Variants in TEC observed in about 807,000 individuals in gnomAD.
TEC encodes the protein tyrosine-protein kinase Tec.
A neutral mutation model predicts 93.0 loss-of-function variants in TEC; 72 were observed. That is an observed-to-expected ratio of 0.77 (90% CI 0.64 to 0.94). The LOEUF (loss-of-function observed/expected upper bound fraction) is 0.94, where lower values mean the gene tolerates loss of function less well. Ranked by LOEUF, TEC falls within the 40% of genes least tolerant of loss-of-function variation. The pLI is 0.00. For missense variants in TEC, 630 were observed against 757.9 expected, an observed-to-expected ratio of 0.83 and a Z score of 1.98; for synonymous variants, 249 against 247.7, an observed-to-expected ratio of 1.01 and a Z score of -0.05.
chr4:48,268,194 C>T (rs546514911), intron 1 of TEC, among the ~76,000 whole-genome samples: 2 of 152,214 alleles, frequency 1.3e-5, no homozygotes, highest in Non-Finnish European at 2.9e-5. Flanking sequence ...GTTGAAAATG[C>T]TAGAGCATAC....
intron 3 of TEC, 148 bp from the exon 4 acceptor site, chr4:48,171,597 T>C (rs1205793006): frequency 1.8e-6 from 1 of 540,912 alleles, no homozygotes; most frequent in Non-Finnish European, 3.2e-6. Flanking sequence ...CCCAGGTTAC[T>C]TTCTTACAAA....
At chr4:48,215,870 C>T (rs549924426) in intron 2 of TEC, among the ~76,000 whole-genome samples, 3 of 152,236 alleles carry the variant, frequency 2.0e-5, no homozygotes, top group South Asian at 4.1e-4. Flanking sequence ...CAGAAATATT[C>T]GATATGAGCT....
At chr4:48,214,718 G>C (rs950510907) in intron 2 of TEC, among the ~76,000 whole-genome samples, 1 of 130,642 alleles carries the variant, frequency 7.7e-6, no homozygotes, top group African/African-American at 2.7e-5. Context: ...GCCAGGCGTG[G>C]TGGTATGTGC....
At chr4:48,149,127 A>G (rs1056654320) in intron 11 of TEC, among the ~76,000 whole-genome samples, 5 of 152,198 alleles carry the variant, frequency 3.3e-5, no homozygotes, top group African/African-American at 1.2e-4. Context: ...TAGTGCTGCA[A>G]TGAACACCCA....
chr4:48,248,839 T>G (rs1200265192), intron 1 of TEC, among the ~76,000 whole-genome samples: 4 of 151,042 alleles, frequency 2.6e-5, no homozygotes, highest in Non-Finnish European at 4.4e-5. Flanking sequence ...CTTTACATTG[T>G]TGTTTCTCTC....
rs182366408 is a variant in TEC, at chr4:48,138,738, C to A, written c.1739G>T (p.Arg580Leu). 6.2e-7 allele frequency: 1 copy of A among 1,614,134 alleles called. No individual in the cohort carries two copies. Among genetic ancestry groups the A allele is most frequent in the Admixed American group, 1.7e-5 (1 of 60,014 alleles). ...CTTCGGCTGGTAGAGTCGGTGGCCT[C>A]GAGTAACCATGGTTACCACTTCATA... ...TNYEVVTMVT[R>L]GHRLYQPKLA... Residue 580 changes from arginine (R) to leucine (L), a missense_variant, in exon 17 of 18, where the codon CGA (arginine) becomes CTA (leucine). Arg to Leu is a moderately radical substitution (Grantham distance 102, BLOSUM62 -2). Transcript: ENST00000381501.
chr4:48,219,574 T>G lies in TEC; in HGVS notation c.138+8903A>C, dbSNP rs143579336. ...GTCTTAAAGTCTTTGATCTTTCTTA[T>G]AAGTGCAGAGAAGAAAATGCTGACG... On this transcript the variant is annotated intron_variant, in intron 2 of 17. Coordinates refer to ENST00000381501, the MANE Select transcript of TEC (RefSeq NM_003215.3). Among the ~76,000 whole-genome samples, 17 of 152,328 alleles carry G rather than the reference T, an allele frequency of 1.1e-4. No homozygotes were observed. The East Asian group carries it at 2.9e-3, about 26-fold the overall frequency.
At chr4:48,180,667 T>A (rs1402558551) in intron 2 of TEC, among the ~76,000 whole-genome samples, 6 of 152,150 alleles carry the variant, frequency 3.9e-5, no homozygotes, top group Non-Finnish European at 8.8e-5. Context: ...AGAAATTCAC[T>A]GTGGTTGAAG....
chr4:48,218,618 C>T (rs1238355995), intron 2 of TEC, among the ~76,000 whole-genome samples: 1 of 152,180 alleles, frequency 6.6e-6, no homozygotes, highest in Non-Finnish European at 1.5e-5. Context: ...ACCCAATAAA[C>T]CTACAGTTTC....
chr4:48,185,127 G>A (rs748964728), intron 2 of TEC, among the ~76,000 whole-genome samples: 3 of 152,172 alleles, frequency 2.0e-5, no homozygotes, highest in Admixed American at 6.5e-5. Flanking sequence ...AGAGACAAAT[G>A]ATCATATTTA....
chr4:48,255,411 C>T (rs568583578), intron 1 of TEC, among the ~76,000 whole-genome samples: 1 of 152,286 alleles, frequency 6.6e-6, no homozygotes, highest in African/African-American at 2.4e-5. Context: ...GGAGGGACTG[C>T]TCGGATTGGC....
intron 1 of TEC, among the ~76,000 whole-genome samples, chr4:48,234,676 C>T (rs1472256911): frequency 6.6e-6 from 1 of 152,010 alleles, no homozygotes; most frequent in Admixed American, 6.6e-5. Flanking sequence ...ACAACTACAC[C>T]GTCATAATCA....
chr4:48,261,033 T>A (rs894633303), intron 1 of TEC, among the ~76,000 whole-genome samples: 2 of 152,204 alleles, frequency 1.3e-5, no homozygotes, highest in African/African-American at 2.4e-5. Flanking sequence ...GCACACCAGG[T>A]GTCTGAGAAC....
intron 2 of TEC, among the ~76,000 whole-genome samples, chr4:48,227,710 T>A (rs528769082): frequency 6.7e-6 from 1 of 148,568 alleles, no homozygotes; most frequent in South Asian, 2.1e-4. Context: ...CATAACAGCA[T>A]ATGGTTAGCC....
chr4:48,185,977 C>A (rs866146156), intron 2 of TEC, among the ~76,000 whole-genome samples: 106 of 152,310 alleles, frequency 7.0e-4, no homozygotes, highest in South Asian at 8.3e-4. Context: ...CCTGCCTCAG[C>A]CTGCGGAGTG....
intron 2 of TEC, among the ~76,000 whole-genome samples, chr4:48,178,735 T>C (rs1387598577): frequency 6.6e-6 from 1 of 152,162 alleles, no homozygotes; most frequent in African/African-American, 2.4e-5. Flanking sequence ...CATTCTCTGC[T>C]AAGGGCTTCT....
At chr4:48,156,784 T>G (rs776965458) in intron 8 of TEC, 50 bp from the exon 9 acceptor site, 1 of 1,470,430 alleles carries the variant, frequency 6.8e-7, no homozygotes, top group South Asian at 1.3e-5. Context: ...TAGGATATAT[T>G]TTATTCTTTT....
At chr4:48,185,255 A>G (rs1721769939) in intron 2 of TEC, among the ~76,000 whole-genome samples, 1 of 152,238 alleles carries the variant, frequency 6.6e-6, no homozygotes, top group Admixed American at 6.5e-5. Context: ...TAAAAGGCCT[A>G]TTCTATTCAT....
intron 2 of TEC, among the ~76,000 whole-genome samples, chr4:48,183,971 C>T (rs1721700090): frequency 6.6e-6 from 1 of 151,978 alleles, no homozygotes; most frequent in Non-Finnish European, 1.5e-5. Context: ...AACTAAAATC[C>T]CTCAAAAACA....
Sources: gnomAD v4.1 joint callset for allele counts (sites outside exome capture counted in the v4.1 genomes callset) on GRCh38, gnomAD v4.1.1 for gene constraint, MANE v1.5 for transcripts, NCBI Gene and HGNC (gene_info 2026-07-23, HGNC 2026-07-21) for gene names.